Variants in ZNF451 observed in about 807,000 individuals in gnomAD.
ZNF451 encodes E3 SUMO-protein ligase ZNF451.
Under a neutral mutation model 107.1 loss-of-function variants are expected in ZNF451, and 80 were observed. That is an observed-to-expected ratio of 0.75 (90% CI 0.62 to 0.90). ZNF451 has a LOEUF of 0.90. Ranked by LOEUF, ZNF451 falls within the 40% of genes least tolerant of loss-of-function variation. The pLI, the probability that ZNF451 is intolerant of heterozygous loss-of-function variation, is 0.00. For missense variants in ZNF451, 1,107 were observed against 1,236.2 expected, an observed-to-expected ratio of 0.90 and a Z score of 1.57; for synonymous variants, 362 against 406.5, an observed-to-expected ratio of 0.89 and a Z score of 1.32.
chr6:57,140,381 C>T (rs961487143), intron 7 of ZNF451, among the ~76,000 whole-genome samples: 5 of 151,950 alleles, frequency 3.3e-5, no homozygotes, highest in African/African-American at 9.7e-5. Context: ...GCCTGGGCAA[C>T]GTGGGGAAAC....
At chr6:57,138,648 A>T (rs1831558704) in intron 7 of ZNF451, among the ~76,000 whole-genome samples, 1 of 145,066 alleles carries the variant, frequency 6.9e-6, no homozygotes, top group Non-Finnish European at 1.5e-5. Flanking sequence ...TTAACTTATC[A>T]GATATCTTAT....
intron 7 of ZNF451, 84 bp downstream of exon 7, chr6:57,134,954 C>A: frequency 8.9e-7 from 1 of 1,128,282 alleles, no homozygotes; most frequent in Admixed American, 2.3e-5. Flanking sequence ...TGTTCTTAAG[C>A]TTGCAATTAC....
chr6:57,159,525 G>GT (rs369246650), intron 13 of ZNF451: 3,625 of 135,358 alleles, frequency 0.027, 7 homozygotes, highest in Non-Finnish European at 0.039. Context: ...CATTATAAGA[G>GT]TTTTTTTTTT....
chr6:57,100,508 T>C, intron 3 of ZNF451: 8 of 1,327,064 alleles, frequency 6.0e-6, no homozygotes, highest in Non-Finnish European at 8.0e-6. Flanking sequence ...AATTGAGTTC[T>C]ACTTACTGGA....
intron 3 of ZNF451, chr6:57,114,967 A>C (rs896909639): frequency 6.6e-6 from 1 of 152,216 alleles, no homozygotes. Context: ...TCACTTAAAA[A>C]CTGCAAGTGT....
chr6:57,122,901 A>G (rs1830712222), intron 3 of ZNF451, among the ~76,000 whole-genome samples: 1 of 152,186 alleles, frequency 6.6e-6, no homozygotes, highest in Admixed American at 6.5e-5. Context: ...AATGCTGGAC[A>G]TAGTGGCTCA....
chr6:57,101,772 C>T, intron 3 of ZNF451: 1 of 1,550,528 alleles, frequency 6.4e-7, no homozygotes, highest in South Asian at 1.2e-5. Flanking sequence ...TGGCCATGGC[C>T]ATAGACTATA....
At chr6:57,149,104 T>A (rs1046064882) in intron 10 of ZNF451, among the ~76,000 whole-genome samples, 2 of 152,200 alleles carry the variant, frequency 1.3e-5, no homozygotes, top group Non-Finnish European at 2.9e-5. Context: ...TATTCTTTAG[T>A]GTGAGACATT....
intron 3 of ZNF451, 151 bp downstream of exon 3, chr6:57,099,292 C>G (rs1425326548): frequency 1.5e-6 from 1 of 658,726 alleles, no homozygotes. Context: ...AGTCCTTTGC[C>G]CAGATCTCCT....
intron 13 of ZNF451, chr6:57,158,527 G>A (rs1593172239): frequency 1.0e-6 from 1 of 985,288 alleles, no homozygotes; most frequent in Non-Finnish European, 1.2e-6. Context: ...CAGGCTCCTC[G>A]AGATGTTGGC....
intron 5 of ZNF451, among the ~76,000 whole-genome samples, chr6:57,132,295 C>T (rs1831215974): frequency 6.6e-6 from 1 of 152,204 alleles, no homozygotes; most frequent in African/African-American, 2.4e-5. Context: ...CCTTGCTTCC[C>T]TGCTTTCTTC....
chr6:57,167,535 T>G (rs756097947), intron 14 of ZNF451, among the ~76,000 whole-genome samples: 7 of 152,168 alleles, frequency 4.6e-5, no homozygotes, highest in Non-Finnish European at 1.0e-4. Context: ...GATACACAGT[T>G]CATGCTAGTT....
chr6:57,159,986 T>C (rs1376171265), intron 13 of ZNF451, among the ~76,000 whole-genome samples: 1 of 152,166 alleles, frequency 6.6e-6, no homozygotes, highest in East Asian at 1.9e-4. Flanking sequence ...TATAATTATG[T>C]CTTGATATAA....
In ZNF451 at chr6:57,134,720, C is replaced by T. The variant is rs1027947854; in HGVS notation, c.576-24C>T. 9 of 1,603,682 alleles carry T rather than the reference C, an allele frequency of 5.6e-6. No homozygotes were observed. The African/African-American group carries it at 8.1e-5, about 14-fold the overall frequency. On this transcript the variant is annotated intron_variant, in intron 6 of 14. Coordinates refer to ENST00000370706, the MANE Select transcript of ZNF451 (RefSeq NM_001031623.3). ...TAGAATGTAGATTTATCTAATATTA[C>T]CTCTTACCTCTTTTGCTGAGTAGGT... is the stretch of plus-strand genomic sequence containing the variant.
At chr6:57,095,119 G>A (rs1829225325) in intron 2 of ZNF451, among the ~76,000 whole-genome samples, 1 of 152,122 alleles carries the variant, frequency 6.6e-6, no homozygotes, top group Non-Finnish European at 1.5e-5. Context: ...ATTAGCTAGT[G>A]TACACTATTT....
rs770356504 is a variant in ZNF451, at chr6:57,148,334, A to G, written c.2249A>G (p.Lys750Arg). Residue 750 changes from lysine to arginine, a missense_variant, in exon 10 of 15, where the codon AAA (lysine) becomes AGA (arginine). Lys to Arg is a conservative substitution (Grantham distance 26). Around this residue, in one of 5 missense-constraint regions of ZNF451, gnomAD observed 608 missense variants for 649.2 expected, o/e 0.94. Transcript: ENST00000370706. The part of the protein sequence containing the change: ...RCLQIMLDKG[K>R]LWFRCSLCSA... Reference sequence around the variant, plus strand: ...CTCCAAATCATGCTGGATAAAGGAAAACTGTGGTTTCGCTGCAGTTTATGT... The same window carrying G: ...CTCCAAATCATGCTGGATAAAGGAAGACTGTGGTTTCGCTGCAGTTTATGT... 1.2e-6 allele frequency: 2 copies of G among 1,614,060 alleles called. No homozygotes were observed. The highest frequency in any genetic ancestry group is 1.7e-6 in the Non-Finnish European group (2 of 1,179,980).
At chr6:57,145,171 A>G (rs1243095268) in intron 9 of ZNF451, among the ~76,000 whole-genome samples, 2 of 151,824 alleles carry the variant, frequency 1.3e-5, no homozygotes, top group Non-Finnish European at 2.9e-5. Flanking sequence ...CTATTTTTTT[A>G]TTTTCCTAGG....
intron 3 of ZNF451, chr6:57,103,175 C>G (rs1829689036): frequency 1.0e-6 from 1 of 985,440 alleles, no homozygotes; most frequent in African/African-American, 1.7e-5. Flanking sequence ...GCCTGACAAT[C>G]TTGTCCCCTT....
At chr6:57,106,922 G>A in intron 3 of ZNF451, 2 of 935,956 alleles carry the variant, frequency 2.1e-6, no homozygotes, top group Non-Finnish European at 2.5e-6. Context: ...GATATATTGA[G>A]TTTTATAAAC....
Sources: allele counts gnomAD v4.1 joint callset (sites outside exome capture counted in the v4.1 genomes callset), GRCh38; gene constraint gnomAD v4.1.1; regional missense constraint gnomAD v4.1.1; transcripts MANE v1.5; gene names NCBI Gene and HGNC (gene_info 2026-07-23, HGNC 2026-07-21).